ADCY2: variants seen among roughly 807,000 people sequenced by gnomAD.
ADCY2 encodes adenylate cyclase type 2.
In ADCY2, 31 loss-of-function variants were observed where a neutral mutation model predicts 125.2. That is an observed-to-expected ratio of 0.25 (90% CI 0.19 to 0.33). The LOEUF (loss-of-function observed/expected upper bound fraction) is 0.33. Ranked by LOEUF, ADCY2 falls within the 10% of genes least tolerant of loss-of-function variation. The probability of loss-of-function intolerance (pLI) is 1.00; values close to 1 mark genes in which losing one functional copy is unlikely to be tolerated. For synonymous variants in ADCY2, 512 were observed against 548.4 expected, an observed-to-expected ratio of 0.93 and a Z score of 0.93; for missense variants, 904 against 1,418.2, an observed-to-expected ratio of 0.64 and a Z score of 5.82.
At chr5:7,718,803 G>T (rs955260241) in intron 12 of ADCY2, among the ~76,000 whole-genome samples, 1 of 152,042 alleles carries the variant, frequency 6.6e-6, no homozygotes, top group Non-Finnish European at 1.5e-5. Context: ...CACATACTGA[G>T]AAATAAATAA....
chr5:7,525,980 A>T (rs1045030349), intron 3 of ADCY2, among the ~76,000 whole-genome samples: 3 of 151,764 alleles, frequency 2.0e-5, no homozygotes. Flanking sequence ...AGGCTCTGAC[A>T]CCCCACACAT....
intron 2 of ADCY2, among the ~76,000 whole-genome samples, chr5:7,423,663 G>A (rs773055353): frequency 7.9e-5 from 12 of 152,146 alleles, no homozygotes; most frequent in Non-Finnish European, 1.5e-4. Flanking sequence ...CCAGTCTCGG[G>A]TATGTCTTTA....
At chr5:7,722,803 T>C (rs984537944) in intron 12 of ADCY2, among the ~76,000 whole-genome samples, 4 of 151,380 alleles carry the variant, frequency 2.6e-5, no homozygotes, top group African/African-American at 9.7e-5. Flanking sequence ...TACTAAGAAA[T>C]ACAAAAATTA....
At chr5:7,457,754 G>T (rs1191123276) in intron 2 of ADCY2, among the ~76,000 whole-genome samples, 1 of 152,148 alleles carries the variant, frequency 6.6e-6, no homozygotes, top group Non-Finnish European at 1.5e-5. Flanking sequence ...GATCAAGAGT[G>T]GGGACCAAAA....
At chr5:7,501,807 G>T (rs1417659575) in intron 2 of ADCY2, among the ~76,000 whole-genome samples, 1 of 151,958 alleles carries the variant, frequency 6.6e-6, no homozygotes, top group African/African-American at 2.4e-5. Flanking sequence ...ACCAGGCAGG[G>T]AGCCTGCAGG....
At chr5:7,623,884 C>T (rs1295058802) in intron 3 of ADCY2, among the ~76,000 whole-genome samples, 1 of 152,188 alleles carries the variant, frequency 6.6e-6, no homozygotes, top group East Asian at 1.9e-4. Flanking sequence ...ATACCACACA[C>T]AGACCACACA....
At chr5:7,557,973 C>G (rs111351213) in intron 3 of ADCY2, among the ~76,000 whole-genome samples, 3 of 152,284 alleles carry the variant, frequency 2.0e-5, no homozygotes, top group African/African-American at 7.2e-5. Flanking sequence ...CTCATTTACA[C>G]TCTCACCAAC....
Position 7,789,946 on chromosome 5 carries a change from T to C in ADCY2, c.2628+146T>C. On this transcript the variant is annotated intron_variant, in intron 20 of 24. Coordinates refer to ENST00000338316, the MANE Select transcript of ADCY2 (RefSeq NM_020546.3). ...ATTGGCCAAGATTGGCTTGAATTGT[T>C]CAGTTTTCAAGGAGATATTGATTGG... is the stretch of plus-strand genomic sequence containing the variant. 4 of 643,112 alleles carry C rather than the reference T, an allele frequency of 6.2e-6. No homozygotes were observed. The South Asian group carries it at 9.3e-5, about 15-fold the overall frequency. 39.8% of individuals were successfully genotyped at this position (643,112 alleles called of 1,614,324 possible).
At chr5:7,733,987 T>G (rs1742177955) in intron 14 of ADCY2, among the ~76,000 whole-genome samples, 1 of 139,732 alleles carries the variant, frequency 7.2e-6, no homozygotes, top group African/African-American at 3.4e-5. Context: ...TTTTGATTCT[T>G]TCTTTCTTCT....
intron 2 of ADCY2, among the ~76,000 whole-genome samples, chr5:7,500,077 T>C (rs1743506308): frequency 6.6e-6 from 1 of 152,194 alleles, no homozygotes; most frequent in African/African-American, 2.4e-5. Context: ...ATTATTTGTG[T>C]TTGTTTTTAT....
At chr5:7,650,401 T>C (rs1739047463) in intron 4 of ADCY2, among the ~76,000 whole-genome samples, 1 of 152,202 alleles carries the variant, frequency 6.6e-6, no homozygotes, top group Admixed American at 6.5e-5. Flanking sequence ...TTATATCCTT[T>C]GGTCTTTTGG....
intron 4 of ADCY2, among the ~76,000 whole-genome samples, chr5:7,632,286 TC>T (rs1738340150): frequency 6.6e-6 from 1 of 151,644 alleles, no homozygotes; most frequent in Non-Finnish European, 1.5e-5. Context: ...ATTAAACTCT[TC>T]CACGCCCCCT....
chr5:7,488,285 C>T (rs56258429), intron 2 of ADCY2, among the ~76,000 whole-genome samples: 9,688 of 152,198 alleles, frequency 0.064, 539 homozygotes, highest in African/African-American at 0.14. Context: ...GCTCTTCCTT[C>T]GTCTTCCACC....
At chr5:7,439,319 T>TA (rs1387361288) in intron 2 of ADCY2, among the ~76,000 whole-genome samples, 2 of 152,096 alleles carry the variant, frequency 1.3e-5, no homozygotes, top group Admixed American at 6.5e-5. Context: ...AGACACGTCT[T>TA]ACATGGCGGC....
intron 3 of ADCY2, among the ~76,000 whole-genome samples, chr5:7,624,370 C>T (rs1293881804): frequency 6.6e-6 from 1 of 152,024 alleles, no homozygotes; most frequent in African/African-American, 2.4e-5. Context: ...TGCTGATTAT[C>T]CCCTGAGTTT....
At chr5:7,587,913 A>G (rs530833389) in intron 3 of ADCY2, among the ~76,000 whole-genome samples, 7 of 152,276 alleles carry the variant, frequency 4.6e-5, no homozygotes, top group South Asian at 2.1e-4. Context: ...TAAAATGACC[A>G]GGACAGGCCA....
At chr5:7,664,683 C>G (rs902177707) in intron 4 of ADCY2, among the ~76,000 whole-genome samples, 1 of 152,182 alleles carries the variant, frequency 6.6e-6, no homozygotes, top group African/African-American at 2.4e-5. Flanking sequence ...CCTGCAAAGT[C>G]TCTTGTGGGA....
chr5:7,764,580 A>C (rs1173656325), intron 16 of ADCY2, among the ~76,000 whole-genome samples: 1 of 152,224 alleles, frequency 6.6e-6, no homozygotes, highest in Non-Finnish European at 1.5e-5. Context: ...ATATGTTTTA[A>C]ATTGCCTGAG....
intron 4 of ADCY2, among the ~76,000 whole-genome samples, chr5:7,650,954 A>G (rs185300088): frequency 2.1e-4 from 32 of 151,938 alleles, no homozygotes; most frequent in Non-Finnish European, 4.3e-4. Context: ...TTAGGTTACC[A>G]CTCCTTGGTG....
Sources: allele counts gnomAD v4.1 joint callset (sites outside exome capture counted in the v4.1 genomes callset), GRCh38; gene constraint gnomAD v4.1.1; transcripts MANE v1.5; gene names NCBI Gene and HGNC (gene_info 2026-07-23, HGNC 2026-07-21).